PRDM4: variants seen among roughly 807,000 people sequenced by gnomAD.
PRDM4 encodes PR/SET domain 4.
PRDM4 carries 38 observed loss-of-function variants against 62.3 expected under a neutral mutation model. That is an observed-to-expected ratio of 0.61 (90% confidence interval 0.47 to 0.80). The LOEUF (loss-of-function observed/expected upper bound fraction) is 0.80, where lower values mean the gene tolerates loss of function less well. PRDM4 is among the 30% of genes least tolerant of loss of function. The pLI is 0.00. For synonymous variants in PRDM4, 339 were observed against 348.2 expected, an observed-to-expected ratio of 0.97 and a Z score of 0.30; for missense variants, 858 against 997.1, an observed-to-expected ratio of 0.86 and a Z score of 1.88.
At chr12:107,752,829 C>T (rs1017948003) in intron 4 of PRDM4, among the ~76,000 whole-genome samples, 3 of 152,144 alleles carry the variant, frequency 2.0e-5, no homozygotes, top group African/African-American at 7.2e-5. Context: ...GTACTCTTCT[C>T]TAAATCCATT....
intron 5 of PRDM4, 88 bp from the exon 6 acceptor site, chr12:107,746,512 G>C: frequency 7.9e-7 from 1 of 1,260,864 alleles, no homozygotes; most frequent in Admixed American, 2.9e-5. Flanking sequence ...TTGAGACAAA[G>C]TCTTGCTCTG....
At chr12:107,744,409 T>A (rs1890622562) in intron 7 of PRDM4, 134 bp downstream of exon 7, 1 of 996,278 alleles carries the variant, frequency 1.0e-6, no homozygotes, top group Non-Finnish European at 1.4e-6. Context: ...TAAAAAAATG[T>A]ACGTGAAATA....
At chr12:107,743,099 G>A in intron 8 of PRDM4, 98 bp downstream of exon 8, 1 of 985,304 alleles carries the variant, frequency 1.0e-6, no homozygotes, top group Non-Finnish European at 1.5e-6. Flanking sequence ...AGGTGTTGGT[G>A]TAATTTGGAT....
chr12:107,758,583 A>G (rs1428456899), intron 2 of PRDM4, among the ~76,000 whole-genome samples: 1 of 152,132 alleles, frequency 6.6e-6, no homozygotes, highest in Non-Finnish European at 1.5e-5. Context: ...TAAATTCAGA[A>G]CTAATTTAAG....
rs1301716899 is a variant in PRDM4 at position 107,744,755 on chromosome 12, T to C, written c.1277-94A>G. 12 of 1,518,488 alleles carry C rather than the reference T, an allele frequency of 7.9e-6. No individual in the cohort carries two copies. In the Admixed American group the frequency reaches 2.0e-4, roughly 26 times the overall value. 94.1% of individuals were successfully genotyped at this position (1,518,488 alleles called of 1,614,324 possible). A position where few individuals can be genotyped will look rare whatever the true frequency, so the allele number is the denominator to read the frequency against. ...TTCACCCATGCAAAGAATCTTATTT[T>C]CAATGAATTTAACCAATATGTAGGC... On this transcript the variant is annotated intron_variant, in intron 6 of 11. Coordinates refer to ENST00000228437, the MANE Select transcript of PRDM4 (RefSeq NM_012406.4).
At chr12:107,758,243 T>G (rs1044820936) in intron 2 of PRDM4, 3 of 141,752 alleles carry the variant, frequency 2.1e-5, no homozygotes, top group Admixed American at 7.6e-5. Context: ...ATCTTCTTTT[T>G]TTTTTTTTTT....
intron 4 of PRDM4, among the ~76,000 whole-genome samples, chr12:107,753,619 A>C (rs1443053851): frequency 6.6e-6 from 1 of 152,184 alleles, no homozygotes; most frequent in Non-Finnish European, 1.5e-5. Flanking sequence ...ACAAGACACT[A>C]TAGTGCTTGA....
chr12:107,745,511 T>G (rs1038980061), intron 6 of PRDM4, among the ~76,000 whole-genome samples: 5 of 151,962 alleles, frequency 3.3e-5, no homozygotes, highest in African/African-American at 1.2e-4. Context: ...AAGGCTGCAC[T>G]CGAGTTACTG....
rs778681332 is a variant in PRDM4 at position 107,751,727 on chromosome 12, G to C, written c.814C>G (p.His272Asp). 13 of 1,614,164 alleles carry C rather than the reference G, an allele frequency of 8.1e-6. No individual in the cohort carries two copies. Among genetic ancestry groups the C allele is most frequent in the Non-Finnish European group, 1.1e-5 (13 of 1,180,018 alleles). Residue 272 changes from histidine to aspartate, a missense_variant, in exon 5 of 12, where the codon CAC (histidine) becomes GAC (aspartate). By Grantham distance (81) the His-to-Asp change is moderately conservative. Transcript: ENST00000228437. The part of the protein sequence containing the change: ...LELPVVMETD[H>D]IASRVNGMSD... ...ATGCCATTGACCCGACTTGCAATGTGGTCTGTCTCCATGACCACAGGGAGC... is the reference window on the plus strand; with the variant it reads ...ATGCCATTGACCCGACTTGCAATGTCGTCTGTCTCCATGACCACAGGGAGC...
Position 107,742,275 on chromosome 12 carries a change from G to A in PRDM4, c.1555C>T (p.Pro519Ser), listed in dbSNP as rs780965762. 6.2e-7 allele frequency: 1 copy of A among 1,613,154 alleles called. No homozygotes were observed. Among genetic ancestry groups the A allele is most frequent in the Non-Finnish European group, 8.5e-7 (1 of 1,179,298 alleles). The change falls in exon 9 of 12, where the codon CCT (proline) becomes TCT (serine). Residue 519 changes from proline (P) to serine (S), a missense_variant. This residue lies in a region of PRDM4 where 355 missense variants were observed against 432.6 expected (regional missense o/e 0.82). Transcript: ENST00000228437. ...TAAAAAAGCAGTTCATTTTCAGGAG[G>A]GATATCTTGTGAGGTGCAGAAAAAG... ...KIFFCTSQDI[P>S]PENELLFYYS...
intron 3 of PRDM4, chr12:107,754,976 CTA>C (rs528290744): frequency 6.0e-4 from 91 of 152,274 alleles, no homozygotes; most frequent in African/African-American, 1.9e-3. Flanking sequence ...GAGATTATAT[CTA>C]CTTTGAGTTA....
chr12:107,735,579 T>C (rs939534379), intron 11 of PRDM4, among the ~76,000 whole-genome samples: 4 of 151,798 alleles, frequency 2.6e-5, no homozygotes, highest in African/African-American at 9.7e-5. Flanking sequence ...GGTGGTATAA[T>C]TAGTATCTAG....
chr12:107,743,839 G>A (rs1890595106), intron 7 of PRDM4, among the ~76,000 whole-genome samples: 1 of 152,174 alleles, frequency 6.6e-6, no homozygotes, highest in African/African-American at 2.4e-5. Flanking sequence ...AATAGGCCAG[G>A]TGCGGTGGCT....
At chr12:107,755,491 T>A (rs1302354917) in intron 3 of PRDM4, among the ~76,000 whole-genome samples, 1 of 152,228 alleles carries the variant, frequency 6.6e-6, no homozygotes, top group African/African-American at 2.4e-5. Flanking sequence ...ACTAATAATT[T>A]TTTAAGATTT....
intron 2 of PRDM4, among the ~76,000 whole-genome samples, chr12:107,759,495 GAATA>G (rs1426157280): frequency 2.6e-5 from 4 of 152,086 alleles, no homozygotes; most frequent in African/African-American, 9.7e-5. Context: ...GAAAATTCCT[GAATA>G]TTTATTTAAT....
chr12:107,747,394 C>A (rs1001324252), intron 5 of PRDM4, among the ~76,000 whole-genome samples: 2 of 151,942 alleles, frequency 1.3e-5, no homozygotes, highest in African/African-American at 2.4e-5. Context: ...CACCACTGTA[C>A]TCTTTTGCTT....
At chr12:107,759,492 C>T (rs559765895) in intron 2 of PRDM4, among the ~76,000 whole-genome samples, 2 of 152,160 alleles carry the variant, frequency 1.3e-5, no homozygotes, top group South Asian at 2.1e-4. Flanking sequence ...TCTGAAAATT[C>T]CTGAATATTT....
At position 107,760,980 on chromosome 12, in the gene PRDM4, C is replaced by G. The variant is rs1891231975; in HGVS notation, c.-280G>C. On this transcript the variant is annotated 5_prime_UTR_variant, in exon 1 of 12. Transcript: ENST00000228437. ...ACCTGCCAGCTGCGCTGGGGGCGCA[C>G]GCGCCTGCCCCACTGCTTTGTTCCT... The G allele has an allele frequency of 6.7e-6, 1 of 149,876 alleles. No homozygotes were observed. Among genetic ancestry groups the G allele is most frequent in the Non-Finnish European group, 1.5e-5 (1 of 67,358 alleles). 9.3% of individuals were successfully genotyped at this position (149,876 alleles called of 1,614,324 possible).
At chr12:107,735,674 A>G (rs926730274) in intron 11 of PRDM4, among the ~76,000 whole-genome samples, 23 of 152,006 alleles carry the variant, frequency 1.5e-4, no homozygotes, top group African/African-American at 5.3e-4. Context: ...CAAAATGTCA[A>G]TAATGTCAAG....
Sources: allele counts gnomAD v4.1 joint callset (sites outside exome capture counted in the v4.1 genomes callset), GRCh38; gene constraint gnomAD v4.1.1; regional missense constraint gnomAD v4.1.1; transcripts MANE v1.5; gene names NCBI Gene and HGNC (gene_info 2026-07-23, HGNC 2026-07-21).